Variants in APBB1IP observed in about 807,000 individuals in gnomAD.
APBB1IP encodes amyloid beta A4 precursor protein-binding family B member 1-interacting protein.
Under a neutral mutation model 64.9 loss-of-function variants are expected in APBB1IP, and 27 were observed. That is an observed-to-expected ratio of 0.42 (90% CI 0.31 to 0.57). The LOEUF (loss-of-function observed/expected upper bound fraction) is 0.57. Ranked by LOEUF, APBB1IP falls within the 20% of genes least tolerant of loss-of-function variation. The probability of loss-of-function intolerance (pLI) is 0.20; values close to 1 mark genes in which losing one functional copy is unlikely to be tolerated. For synonymous variants in APBB1IP, 392 were observed against 331.0 expected, an observed-to-expected ratio of 1.18 and a Z score of -2.00; for missense variants, 812 against 845.5, an observed-to-expected ratio of 0.96 and a Z score of 0.49.
At chr10:26,486,510 G>A (rs776284777) in intron 2 of APBB1IP, among the ~76,000 whole-genome samples, 44 of 152,164 alleles carry the variant, frequency 2.9e-4, no homozygotes, top group Non-Finnish European at 5.3e-4. Context: ...AATGCATGAA[G>A]GGGAGTAGTG....
At chr10:26,485,958 G>C (rs899063166) in intron 2 of APBB1IP, among the ~76,000 whole-genome samples, 2 of 152,164 alleles carry the variant, frequency 1.3e-5, no homozygotes, top group African/African-American at 4.8e-5. Flanking sequence ...GGCCAGGCCT[G>C]GTGGCTCAAG....
At chr10:26,439,366 T>C (rs1835314608) in intron 2 of APBB1IP, among the ~76,000 whole-genome samples, 1 of 152,172 alleles carries the variant, frequency 6.6e-6, no homozygotes, top group Admixed American at 6.5e-5. Flanking sequence ...CTAAAACTTT[T>C]GGACAACTCT....
Position 26,513,583 on chromosome 10 carries a change from G to T in APBB1IP, c.736G>T (p.Asp246Tyr). Residue 246 changes from aspartate to tyrosine, a missense_variant, in exon 8 of 15, where the codon GAC (aspartate) becomes TAC (tyrosine). This residue lies in a region of APBB1IP where 394 missense variants were observed against 413.1 expected (regional missense o/e 0.95). Transcript: ENST00000376236. ...TGAAAATGTTGTTGAAGTCTTATCA[G>T]ACTGGACAAGAGACACAGAAAATAA... ...DHENVVEVLSDWTRDTENKIL... is the reference protein window; with the variant it reads ...DHENVVEVLSYWTRDTENKIL... 1.2e-6 allele frequency: 2 copies of T among 1,612,766 alleles called. No homozygotes were observed. Among genetic ancestry groups the T allele is most frequent in the South Asian group, 1.1e-5 (1 of 90,514 alleles).
chr10:26,560,172 AC>A lies in APBB1IP; in HGVS notation c.1225del (p.Gln409SerfsTer8). The A allele has an allele frequency of 6.2e-7, 1 of 1,614,142 alleles. No individual in the cohort carries two copies. The highest frequency in any genetic ancestry group is 8.5e-7 in the Non-Finnish European group (1 of 1,180,014). On this transcript the variant is annotated frameshift_variant, in exon 12 of 15. Transcript: ENST00000376236. LOFTEE classifies it high-confidence loss of function. ...YLCCDDTRTL[N>X]QWVMGIRIAK... Reference sequence around the variant, plus strand: ...TGCTGTGATGACACAAGAACCCTTAACCAGTGGGTCATGGGAATACGGATAG... The same window carrying A: ...TGCTGTGATGACACAAGAACCCTTAACAGTGGGTCATGGGAATACGGATAG...
Position 26,533,296 on chromosome 10 carries a change from G to C in APBB1IP, c.814-143G>C, listed in dbSNP as rs761132120. ...TGGTATCAGCATTTGGGAAGGCTCT[G>C]ATGGTTGACTGATATCATATGCTCT... On this transcript the variant is annotated intron_variant, in intron 8 of 14. Transcript: ENST00000376236. The C allele has an allele frequency of 2.7e-4, 123 of 461,214 alleles. No individual in the cohort carries two copies. In the Middle Eastern group the frequency reaches 4.0e-3, roughly 15 times the overall value. The allele number at this position is 461,214 out of a possible 1,614,324, so 28.6% of individuals were successfully genotyped here.
At position 26,471,974 on chromosome 10, in the gene APBB1IP, T is replaced by C. The variant is rs535255585; in HGVS notation, c.1-20353T>C. On this transcript the variant is annotated intron_variant, in intron 2 of 14. Coordinates refer to ENST00000376236, the MANE Select transcript of APBB1IP (RefSeq NM_019043.4). ...CTGGGATTACAGGCGTGAGCCACTG[T>C]GCCCGGCCTGTTTGAGCTTATTCAT... 4.6e-5 allele frequency among the ~76,000 whole-genome samples: 7 copies of C among 152,328 alleles called. No homozygotes were observed. The South Asian group carries it at 1.0e-3, about 23-fold the overall frequency.
chr10:26,565,204 C>G (rs2132487565), intron 14 of APBB1IP, among the ~76,000 whole-genome samples: 1 of 152,302 alleles, frequency 6.6e-6, no homozygotes, highest in East Asian at 1.9e-4. Context: ...TTGGGAAGTC[C>G]TCAACCCCCA....
At chr10:26,562,543 T>C (rs1265656727) in intron 14 of APBB1IP, 114 bp downstream of exon 14, 1 of 830,470 alleles carries the variant, frequency 1.2e-6, no homozygotes, top group African/African-American at 1.7e-5. Flanking sequence ...CTCACACCTG[T>C]AATCCCAGAA....
intron 11 of APBB1IP, among the ~76,000 whole-genome samples, chr10:26,559,498 G>A (rs1836939164): frequency 6.6e-6 from 1 of 152,064 alleles, no homozygotes; most frequent in Non-Finnish European, 1.5e-5. Flanking sequence ...GATCTCTTGA[G>A]CCCAGGAGTT....
At chr10:26,465,849 A>G (rs1355449820) in intron 2 of APBB1IP, among the ~76,000 whole-genome samples, 4 of 152,248 alleles carry the variant, frequency 2.6e-5, no homozygotes, top group Admixed American at 6.5e-5. Context: ...AGCATAATAT[A>G]TTGCCAGATG....
intron 10 of APBB1IP, among the ~76,000 whole-genome samples, chr10:26,541,100 A>G (rs1254987101): frequency 2.0e-5 from 3 of 152,276 alleles, no homozygotes; most frequent in African/African-American, 7.2e-5. Flanking sequence ...AGGCATTAGA[A>G]CAGCAGTATA....
intron 2 of APBB1IP, among the ~76,000 whole-genome samples, chr10:26,463,002 G>C (rs959460296): frequency 6.6e-6 from 1 of 151,874 alleles, no homozygotes; most frequent in African/African-American, 2.4e-5. Flanking sequence ...GCATTCTGTA[G>C]ATGAACATGG....
intron 2 of APBB1IP, among the ~76,000 whole-genome samples, chr10:26,470,223 G>A (rs755304284): frequency 3.9e-5 from 6 of 152,192 alleles, no homozygotes; most frequent in Non-Finnish European, 7.3e-5. Context: ...AATTACATAA[G>A]ATGTTCAACT....
chr10:26,476,603 AT>A (rs1211055647), intron 2 of APBB1IP, among the ~76,000 whole-genome samples: 1 of 151,926 alleles, frequency 6.6e-6, no homozygotes, highest in Admixed American at 6.6e-5. Flanking sequence ...TTCCTGCTTT[AT>A]TTTTTTCACC....
intron 2 of APBB1IP, among the ~76,000 whole-genome samples, chr10:26,453,054 C>A (rs1438903618): frequency 6.6e-6 from 1 of 152,060 alleles, no homozygotes; most frequent in Non-Finnish European, 1.5e-5. Context: ...GGTGCTGTGC[C>A]AGTACTAAGA....
chr10:26,478,614 CAAA>C (rs35115510), intron 2 of APBB1IP, among the ~76,000 whole-genome samples: 3 of 125,176 alleles, frequency 2.4e-5, no homozygotes, highest in Non-Finnish European at 1.6e-5. Flanking sequence ...GACTCCGTCT[CAAA>C]AAAAAAAAAA....
intron 13 of APBB1IP, among the ~76,000 whole-genome samples, chr10:26,561,064 C>CTTTCTTTTTTTTTTTTTT (rs1218039459): frequency 1.9e-4 from 13 of 69,210 alleles, no homozygotes; most frequent in South Asian, 6.0e-4. Context: ...TTCTTTCTTT[C>CTTTCTTTTTTTTTTTTTT]TTTTTTTTTT....
chr10:26,495,331 CTCCTCCTATGGT>C lies in APBB1IP; in HGVS notation c.73-972_73-961del, dbSNP rs554956236. On this transcript the variant is annotated intron_variant, in intron 3 of 14. Transcript: ENST00000376236. ...TTTCTTAAGATGAGGACTGTGTTTT[CTCCTCCTATGGT>C]GGAGGAGAGTTTAAGTGAACGTGTG... Among the ~76,000 whole-genome samples, 766 of 151,256 alleles carry C rather than the reference CTCCTCCTATGGT, an allele frequency of 5.1e-3. 3 individuals carry two copies. The highest frequency in any genetic ancestry group is 7.6e-3 in the Non-Finnish European group (516 of 67,844).
chr10:26,483,092 TAAAAAAAAAAA>T (rs35069320), intron 2 of APBB1IP, among the ~76,000 whole-genome samples: 1 of 67,140 alleles, frequency 1.5e-5, no homozygotes, highest in Non-Finnish European at 2.7e-5. Context: ...CTCCATCTGA[TAAAAAAAAAAA>T]AAAAAAAAAA....
Sources: allele counts gnomAD v4.1 joint callset (sites outside exome capture counted in the v4.1 genomes callset), GRCh38; gene constraint gnomAD v4.1.1; regional missense constraint gnomAD v4.1.1; transcripts MANE v1.5; gene names NCBI Gene and HGNC (gene_info 2026-07-23, HGNC 2026-07-21).